PCDH15: variants seen among roughly 807,000 people sequenced by gnomAD.
PCDH15 encodes protocadherin-15.
In PCDH15, 129 loss-of-function variants were observed where a neutral mutation model predicts 178.5. That is an observed-to-expected ratio of 0.72 (90% CI 0.63 to 0.84). The LOEUF (loss-of-function observed/expected upper bound fraction) is 0.84, where lower values mean the gene tolerates loss of function less well. PCDH15 is among the 40% of genes least tolerant of loss of function. PCDH15 has a pLI of 0.00. For missense variants in PCDH15, 2,230 were observed against 2,099.9 expected, an observed-to-expected ratio of 1.06 and a Z score of -1.21; for synonymous variants, 800 against 732.0, an observed-to-expected ratio of 1.09 and a Z score of -1.50.
chr10:54,599,800 A>T (rs1253254940), intron 2 of PCDH15: 1 of 565,614 alleles, frequency 1.8e-6, no homozygotes, highest in Non-Finnish European at 3.3e-6. Flanking sequence ...AGGATCTGAG[A>T]AGGAAGCCTC....
At chr10:55,546,969 A>G (rs1841896546) in intron 2 of PCDH15, among the ~76,000 whole-genome samples, 1 of 152,170 alleles carries the variant, frequency 6.6e-6, no homozygotes, top group Non-Finnish European at 1.5e-5. Context: ...GAAGGGAAAT[A>G]GAATAGGAAA....
At chr10:54,847,946 G>A (rs1171940691) in intron 3 of PCDH15, among the ~76,000 whole-genome samples, 2 of 152,144 alleles carry the variant, frequency 1.3e-5, no homozygotes, top group Admixed American at 6.5e-5. Context: ...GTATGATACA[G>A]TACTGAATGT....
chr10:54,527,950 A>T, intron 2 of PCDH15, 73 bp from the exon 3 acceptor site: 5 of 1,145,554 alleles, frequency 4.4e-6, no homozygotes, highest in East Asian at 2.4e-5. Flanking sequence ...ATTCATTGAG[A>T]TGTATATTAA....
intron 26 of PCDH15, among the ~76,000 whole-genome samples, chr10:53,874,458 G>C (rs954616342): frequency 6.6e-6 from 1 of 152,132 alleles, no homozygotes; most frequent in East Asian, 1.9e-4. Context: ...CCGGCCACCA[G>C]TTTGCCCAAC....
intron 2 of PCDH15, among the ~76,000 whole-genome samples, chr10:55,619,218 G>C (rs1589191283): frequency 6.6e-6 from 1 of 151,852 alleles, no homozygotes; most frequent in Admixed American, 6.6e-5. Context: ...GCATCAAGGA[G>C]TAATAAAAAT....
At chr10:55,430,217 G>A (rs1030839722) in intron 2 of PCDH15, among the ~76,000 whole-genome samples, 1 of 152,148 alleles carries the variant, frequency 6.6e-6, no homozygotes, top group African/African-American at 2.4e-5. Flanking sequence ...CTTGAGCCCT[G>A]GAGGTTGAGG....
chr10:54,192,180 G>A (rs1457412127), intron 11 of PCDH15, among the ~76,000 whole-genome samples: 4 of 132,006 alleles, frequency 3.0e-5, no homozygotes, highest in Admixed American at 3.0e-4. Flanking sequence ...GAAAAAGAAA[G>A]AGAAAGAAAG....
At chr10:54,491,788 TTCTGG>T (rs1461264342) in intron 3 of PCDH15, among the ~76,000 whole-genome samples, 1 of 152,152 alleles carries the variant, frequency 6.6e-6, no homozygotes, top group Non-Finnish European at 1.5e-5. Flanking sequence ...AAAGTCAAAA[TTCTGG>T]TCTTTGCTAT....
intron 15 of PCDH15, among the ~76,000 whole-genome samples, chr10:54,116,081 C>G (rs943056667): frequency 6.6e-6 from 1 of 151,954 alleles, no homozygotes; most frequent in African/African-American, 2.4e-5. Flanking sequence ...ATAGAGCAGC[C>G]TGGGAGTATG....
At chr10:55,094,947 T>TTTTTTA in intron 2 of PCDH15, among the ~76,000 whole-genome samples, 1 of 150,800 alleles carries the variant, frequency 6.6e-6, no homozygotes, top group Non-Finnish European at 1.5e-5. Flanking sequence ...TTTTTTTTTT[T>TTTTTTA]ATCTCACTGT....
chr10:55,542,662 C>T (rs1282536832), intron 2 of PCDH15, among the ~76,000 whole-genome samples: 1 of 112,362 alleles, frequency 8.9e-6, no homozygotes, highest in Non-Finnish European at 1.9e-5. Context: ...TATATAGGTA[C>T]ATACAGACAT....
chr10:54,348,694 T>C (rs1282834022), intron 5 of PCDH15, among the ~76,000 whole-genome samples: 2 of 152,218 alleles, frequency 1.3e-5, no homozygotes, highest in Non-Finnish European at 2.9e-5. Context: ...TACTTTTTTG[T>C]GGTGAGAGCA....
intron 3 of PCDH15, among the ~76,000 whole-genome samples, chr10:54,818,978 G>A (rs1244482829): frequency 2.0e-5 from 3 of 151,884 alleles, no homozygotes; most frequent in African/African-American, 4.8e-5. Context: ...AGACTGAAGA[G>A]CTGTGGGGTG....
At chr10:55,246,503 T>C (rs1841682352) in intron 1 of PCDH15, among the ~76,000 whole-genome samples, 1 of 152,174 alleles carries the variant, frequency 6.6e-6, no homozygotes, top group South Asian at 2.1e-4. Flanking sequence ...AGCACTCAAA[T>C]TGGAATTTAA....
intron 1 of PCDH15, among the ~76,000 whole-genome samples, chr10:55,248,103 T>A (rs1424372734): frequency 3.3e-5 from 5 of 151,532 alleles, no homozygotes; most frequent in Non-Finnish European, 4.4e-5. Flanking sequence ...ATATATCTTA[T>A]TACAGAGGTT....
intron 2 of PCDH15, among the ~76,000 whole-genome samples, chr10:54,961,419 T>TCAGG (rs1838651532): frequency 1.3e-5 from 2 of 152,136 alleles, no homozygotes; most frequent in African/African-American, 4.8e-5. Flanking sequence ...AGGCAGGTTT[T>TCAGG]TAGGTGGGAA....
chr10:54,295,102 A>G (rs2059664689), intron 8 of PCDH15, among the ~76,000 whole-genome samples: 1 of 152,170 alleles, frequency 6.6e-6, no homozygotes, highest in South Asian at 2.1e-4. Context: ...TTCCAGTCAT[A>G]TTGAATTAGA....
chr10:55,400,688 AG>A (rs1838041287), intron 2 of PCDH15, among the ~76,000 whole-genome samples: 1 of 152,128 alleles, frequency 6.6e-6, no homozygotes, highest in Non-Finnish European at 1.5e-5. Context: ...GTCCTTTTAC[AG>A]TCTATTTAGT....
chr10:53,825,849 TTACAATTGCAAAATCTACTGAGTCTAC>T (rs1477297854), intron 32 of PCDH15, among the ~76,000 whole-genome samples: 47 of 151,494 alleles, frequency 3.1e-4, no homozygotes, highest in Non-Finnish European at 4.0e-4. Flanking sequence ...AATACATATA[TTACAATTGCAAAATCTACTGAGTCTAC>T]TACAATTGTT....
Sources: allele counts gnomAD v4.1 joint callset (sites outside exome capture counted in the v4.1 genomes callset), GRCh38; gene constraint gnomAD v4.1.1; transcripts MANE v1.5; gene names NCBI Gene and HGNC (gene_info 2026-07-23, HGNC 2026-07-21).